Variants in PIRT observed in about 807,000 individuals in gnomAD.
The protein encoded by PIRT is phosphoinositide-interacting protein.
In PIRT, 6 loss-of-function variants were observed where a neutral mutation model predicts 7.9. That is an observed-to-expected ratio of 0.76 (90% confidence interval 0.42 to 1.51). PIRT has a LOEUF of 1.51. Ranked by LOEUF, PIRT falls within the 40% of genes most tolerant of loss-of-function variation. PIRT has a pLI of 0.01. For missense variants in PIRT, 170 were observed against 172.9 expected (o/e 0.98, Z 0.09); for synonymous variants, 78 against 71.8 (o/e 1.09, Z -0.44).
intron 1 of PIRT, among the ~76,000 whole-genome samples, chr17:10,831,281 G>C (rs1179162044): frequency 2.6e-5 from 4 of 152,190 alleles, no homozygotes; most frequent in African/African-American, 4.8e-5. Flanking sequence ...TTCACTCACT[G>C]TAGGGAGTTG....
At position 10,827,455 on chromosome 17, in the gene PIRT, T is replaced by TTTTTC. The variant is rs1321986411; in HGVS notation, c.-138-1677_-138-1673dup. On this transcript the variant is annotated intron_variant, in intron 1 of 1. Coordinates refer to ENST00000580256, the MANE Select transcript of PIRT (RefSeq NM_001101387.2). ...TTAAAGCATTTCTTTCTTTTCTTTC[T>TTTTTC]TTTTCTTTTCTTTTTTTTTTTTTTT... is the stretch of plus-strand genomic sequence containing the variant. Among the ~76,000 whole-genome samples the TTTTTC allele has an allele frequency of 5.8e-4, 82 of 142,588 alleles. 2 individuals are homozygous for TTTTTC. Among genetic ancestry groups the TTTTTC allele is most frequent in the African/African-American group, 2.0e-3 (75 of 36,658 alleles). 93.5% of individuals were successfully genotyped at this position (142,588 alleles called of 152,430 possible). A position where few individuals can be genotyped will look rare whatever the true frequency, so the allele number is the denominator to read the frequency against.
At chr17:10,833,116 G>A (rs1001598461) in intron 1 of PIRT, among the ~76,000 whole-genome samples, 4 of 152,206 alleles carry the variant, frequency 2.6e-5, no homozygotes, top group Non-Finnish European at 2.9e-5. Context: ...GCAATTCAAC[G>A]TGGAAAGGAA....
At chr17:10,826,535 T>C (rs1905319267) in intron 1 of PIRT, among the ~76,000 whole-genome samples, 1 of 152,266 alleles carries the variant, frequency 6.6e-6, no homozygotes, top group Non-Finnish European at 1.5e-5. Context: ...ATGTGTGTCC[T>C]GTGCCAGACA....
Position 10,824,974 on chromosome 17 carries a change from G to A in PIRT, c.*258C>T, listed in dbSNP as rs933114792. 4.1e-6 allele frequency: 2 copies of A among 487,314 alleles called. No individual in the cohort carries two copies. The highest frequency in any genetic ancestry group is 1.9e-5 in the African/African-American group (1 of 52,100). 30.2% of individuals were successfully genotyped at this position (487,314 alleles called of 1,614,324 possible). A position where few individuals can be genotyped will look rare whatever the true frequency, so the allele number is the denominator to read the frequency against. ...TGAATGATGCCTGGATGCAGGGGCA[G>A]GGGGTTAGAGTGACCAAAGGGAAGG... On this transcript the variant is annotated 3_prime_UTR_variant, in exon 2 of 2. Coordinates refer to ENST00000580256, the MANE Select transcript of PIRT (RefSeq NM_001101387.2).
intron 1 of PIRT, among the ~76,000 whole-genome samples, chr17:10,832,049 G>A (rs546318182): frequency 2.0e-5 from 3 of 152,350 alleles, no homozygotes; most frequent in Admixed American, 6.5e-5. Flanking sequence ...AAGCCAGACA[G>A]AGAAAGAATG....
At chr17:10,825,860 G>A in intron 1 of PIRT, 77 bp from the exon 2 acceptor site, 1 of 412,502 alleles carries the variant, frequency 2.4e-6, no homozygotes. Context: ...TTTTTTTCTT[G>A]CAAGAGATAA....
chr17:10,833,208 A>G (rs908940049), intron 1 of PIRT, among the ~76,000 whole-genome samples: 1 of 152,240 alleles, frequency 6.6e-6, no homozygotes, highest in Admixed American at 6.5e-5. Context: ...TGACGTCATC[A>G]ACAAAAACTA....
At position 10,832,318 on chromosome 17, in the gene PIRT, A is replaced by G. The variant is rs970104284; in HGVS notation, c.-139+5627T>C. Reference sequence around the variant, plus strand: ...AGTGATTCTCCTGCCTCAGCCTCCCAAGTAGCTGGGATTACAGGCATGTGC... The same window carrying G: ...AGTGATTCTCCTGCCTCAGCCTCCCGAGTAGCTGGGATTACAGGCATGTGC... On this transcript the variant is annotated intron_variant, in intron 1 of 1. Coordinates refer to ENST00000580256, the MANE Select transcript of PIRT (RefSeq NM_001101387.2). 1.2e-4 allele frequency among the ~76,000 whole-genome samples: 18 copies of G among 151,944 alleles called. 1 individual carries two copies. Among genetic ancestry groups the G allele is most frequent in the Admixed American group, 8.5e-4 (13 of 15,278 alleles).
At chr17:10,834,182 A>C (rs1905528165) in intron 1 of PIRT, among the ~76,000 whole-genome samples, 1 of 152,184 alleles carries the variant, frequency 6.6e-6, no homozygotes, top group Non-Finnish European at 1.5e-5. Flanking sequence ...CAAAAATAAA[A>C]AAGAAAAAAA....
At position 10,824,739 on chromosome 17, in the gene PIRT, G is replaced by T. The variant is rs1905273083; in HGVS notation, c.*493C>A. The T allele has an allele frequency of 6.3e-6, 1 of 159,712 alleles. No individual in the cohort carries two copies. The highest frequency in any genetic ancestry group is 1.4e-5 in the Non-Finnish European group (1 of 72,184). 9.9% of individuals were successfully genotyped at this position (159,712 alleles called of 1,614,324 possible). ...TTGTGATCTTGAAAGTCTGCTAAGGGAGCTAGGGCTGTCAAACCCAATGGG... is the reference window on the plus strand; with the variant it reads ...TTGTGATCTTGAAAGTCTGCTAAGGTAGCTAGGGCTGTCAAACCCAATGGG... On this transcript the variant is annotated 3_prime_UTR_variant, in exon 2 of 2. Transcript: ENST00000580256.
intron 1 of PIRT, among the ~76,000 whole-genome samples, chr17:10,834,950 C>T (rs1340948531): frequency 6.6e-6 from 1 of 151,150 alleles, no homozygotes; most frequent in Non-Finnish European, 1.5e-5. Flanking sequence ...CACCGCTTTA[C>T]CAAGTCACTG....
intron 1 of PIRT, among the ~76,000 whole-genome samples, chr17:10,829,601 C>T (rs1445312278): frequency 6.6e-6 from 1 of 152,190 alleles, no homozygotes. Context: ...CACTGCACAG[C>T]AGCTAGTCTG....
rs1195391986 is a variant in PIRT, at chr17:10,822,994, C to G, written c.*2238G>C. On this transcript the variant is annotated 3_prime_UTR_variant, in exon 2 of 2. Transcript: ENST00000580256. ...CATGATAGCAGTATCCAAATGGGCC[C>G]TCCTCATATAGCTGTGCCCAGGCTA... 6.6e-6 allele frequency: 1 copy of G among 152,172 alleles called. No individual in the cohort carries two copies. Among genetic ancestry groups the G allele is most frequent in the African/African-American group, 2.4e-5 (1 of 41,442 alleles). The allele number at this position is 152,172 out of a possible 1,614,324, so 9.4% of individuals were successfully genotyped here.
intron 1 of PIRT, among the ~76,000 whole-genome samples, chr17:10,830,243 A>C (rs573134491): frequency 2.6e-5 from 4 of 152,330 alleles, no homozygotes; most frequent in African/African-American, 4.8e-5. Context: ...ATCTATAAAC[A>C]GAAGCAGGCA....
Position 10,825,673 on chromosome 17 carries a change from C to A in PIRT, c.-28G>T, listed in dbSNP as rs1950355486. On this transcript the variant is annotated 5_prime_UTR_variant, in exon 2 of 2. Coordinates refer to ENST00000580256, the MANE Select transcript of PIRT (RefSeq NM_001101387.2). ...TTGCTCAGGACTGGGCGCCTAGGAC[C>A]AGCAATAGTTGGAAACAAGAGTGGA... 1.4e-6 allele frequency: 2 copies of A among 1,451,426 alleles called. No homozygotes were observed. Among genetic ancestry groups the A allele is most frequent in the East Asian group, 5.0e-5 (2 of 40,048 alleles). 89.9% of individuals were successfully genotyped at this position (1,451,426 alleles called of 1,614,324 possible). A position where few individuals can be genotyped will look rare whatever the true frequency, so the allele number is the denominator to read the frequency against.
In PIRT at chr17:10,827,470, T is replaced by C. The variant is rs112289710; in HGVS notation, c.-138-1687A>G. Among the ~76,000 whole-genome samples the C allele has an allele frequency of 4.5e-4, 51 of 112,606 alleles. 1 individual carries two copies. The highest frequency in any genetic ancestry group is 1.9e-3 in the African/African-American group (39 of 20,894). 73.9% of individuals were successfully genotyped at this position (112,606 alleles called of 152,430 possible). ...CTTTTCTTTCTTTTTCTTTTCTTTT[T>C]TTTTTTTTTTTTTTTTTTTTTGAAG... On this transcript the variant is annotated intron_variant, in intron 1 of 1. Coordinates refer to ENST00000580256, the MANE Select transcript of PIRT (RefSeq NM_001101387.2).
chr17:10,825,671 A>G lies in PIRT; in HGVS notation c.-26T>C, dbSNP rs1288424578. The G allele has an allele frequency of 3.4e-6, 5 of 1,452,114 alleles. No homozygotes were observed. In the African/African-American group the frequency reaches 4.3e-5, roughly 12 times the overall value. 90.0% of individuals were successfully genotyped at this position (1,452,114 alleles called of 1,614,324 possible). A position where few individuals can be genotyped will look rare whatever the true frequency, so the allele number is the denominator to read the frequency against. On this transcript the variant is annotated 5_prime_UTR_variant, in exon 2 of 2. Transcript: ENST00000580256. The stretch of plus-strand genomic sequence containing the variant: ...GGTTGCTCAGGACTGGGCGCCTAGG[A>G]CCAGCAATAGTTGGAAACAAGAGTG...
intron 1 of PIRT, among the ~76,000 whole-genome samples, chr17:10,829,343 G>T (rs1905409396): frequency 1.3e-5 from 2 of 152,136 alleles, no homozygotes; most frequent in African/African-American, 4.8e-5. Flanking sequence ...TGGGAGTGAG[G>T]GGGCTCAGGA....
intron 1 of PIRT, among the ~76,000 whole-genome samples, chr17:10,834,189 A>G (rs1363890377): frequency 1.3e-5 from 2 of 152,194 alleles, no homozygotes; most frequent in Non-Finnish European, 2.9e-5. Context: ...AAAAAAGAAA[A>G]AAAAGAAAAA....
Sources: gnomAD v4.1 joint callset for allele counts (sites outside exome capture counted in the v4.1 genomes callset) on GRCh38, gnomAD v4.1.1 for gene constraint, MANE v1.5 for transcripts, NCBI Gene and HGNC (gene_info 2026-07-23, HGNC 2026-07-21) for gene names.